IQCM: variants seen among roughly 807,000 people sequenced by gnomAD.
IQCM encodes the protein IQ motif containing M.
IQCM carries 45 observed loss-of-function variants against 57.6 expected under a neutral mutation model. The observed-to-expected ratio is 0.78, with a 90% confidence interval of 0.62 to 1.00. IQCM has a LOEUF of 1.00. Ranked by LOEUF, IQCM falls within the 50% of genes least tolerant of loss-of-function variation. The pLI is 0.00. For missense variants in IQCM, 468 were observed against 511.6 expected (o/e 0.91, Z 0.82); for synonymous variants, 148 against 158.9 (o/e 0.93, Z 0.51).
At chr4:149,368,713 G>A (rs190439512) in intron 13 of IQCM, among the ~76,000 whole-genome samples, 4 of 143,394 alleles carry the variant, frequency 2.8e-5, no homozygotes, top group African/African-American at 1.0e-4. Flanking sequence ...AAAAGTTAAA[G>A]ACATTAGAGT....
chr4:149,716,732 C>T (rs996203588), intron 5 of IQCM, among the ~76,000 whole-genome samples: 1 of 152,204 alleles, frequency 6.6e-6, no homozygotes, highest in African/African-American at 2.4e-5. Flanking sequence ...CAAAGACTTC[C>T]CCAGTTTGGT....
At chr4:149,604,802 T>A (rs1010942152) in intron 8 of IQCM, among the ~76,000 whole-genome samples, 2 of 152,172 alleles carry the variant, frequency 1.3e-5, no homozygotes, top group African/African-American at 4.8e-5. Flanking sequence ...CTTTCATTAC[T>A]TTTTAAGAAA....
intron 10 of IQCM, among the ~76,000 whole-genome samples, chr4:149,554,844 C>T (rs560143183): frequency 6.6e-6 from 1 of 151,772 alleles, no homozygotes; most frequent in East Asian, 2.0e-4. Flanking sequence ...GGACTACAGG[C>T]GCCCCCCACC....
intron 8 of IQCM, among the ~76,000 whole-genome samples, chr4:149,595,197 TACCA>T (rs1430694415): frequency 1.3e-5 from 2 of 152,192 alleles, no homozygotes; most frequent in Admixed American, 1.3e-4. Context: ...TTGATCCCTT[TACCA>T]TTATGTAATG....
At chr4:149,511,171 G>A (rs967353192) in intron 12 of IQCM, among the ~76,000 whole-genome samples, 6 of 151,842 alleles carry the variant, frequency 4.0e-5, no homozygotes, top group African/African-American at 1.2e-4. Context: ...CTCTAATTTC[G>A]CTGAGTTAAA....
chr4:149,711,928 C>G (rs1764591898), intron 5 of IQCM, among the ~76,000 whole-genome samples: 1 of 152,112 alleles, frequency 6.6e-6, no homozygotes, highest in African/African-American at 2.4e-5. Context: ...TCCATCTTCA[C>G]TAAGTATATT....
At position 149,815,810 on chromosome 4, in the gene IQCM, T is replaced by G. The variant is rs1193897366; in HGVS notation, c.-297A>C. The G allele has an allele frequency of 6.6e-6, 1 of 151,986 alleles. No individual in the cohort carries two copies. The highest frequency in any genetic ancestry group is 1.5e-5 in the Non-Finnish European group (1 of 67,896). 9.4% of individuals were successfully genotyped at this position (151,986 alleles called of 1,614,324 possible). On this transcript the variant is annotated 5_prime_UTR_variant, in exon 1 of 14. Coordinates refer to ENST00000636793, the MANE Select transcript of IQCM (RefSeq NM_001363507.2). ...AGATTCCTAAATCCTGCCAATCTTCTGATTGCTTCTTCTCACATATGCCTG... is the reference window on the plus strand; with the variant it reads ...AGATTCCTAAATCCTGCCAATCTTCGGATTGCTTCTTCTCACATATGCCTG...
intron 7 of IQCM, among the ~76,000 whole-genome samples, chr4:149,655,127 T>C (rs1225584912): frequency 1.3e-5 from 2 of 152,180 alleles, no homozygotes; most frequent in Admixed American, 6.6e-5. Flanking sequence ...TTTTAAATGT[T>C]ATATTTCAAG....
At chr4:149,698,176 A>T (rs957730605) in intron 5 of IQCM, among the ~76,000 whole-genome samples, 2 of 151,986 alleles carry the variant, frequency 1.3e-5, no homozygotes, top group Non-Finnish European at 2.9e-5. Context: ...TCATTTAACT[A>T]ATAAGTTGTT....
At chr4:149,583,842 C>A (rs1561020943) in intron 9 of IQCM, among the ~76,000 whole-genome samples, 1 of 151,224 alleles carries the variant, frequency 6.6e-6, no homozygotes, top group African/African-American at 2.4e-5. Flanking sequence ...TTCCCTTTAG[C>A]TAATAATATA....
chr4:149,769,270 C>A (rs1280776083), intron 2 of IQCM, among the ~76,000 whole-genome samples: 1 of 151,936 alleles, frequency 6.6e-6, no homozygotes, highest in Non-Finnish European at 1.5e-5. Flanking sequence ...TTCTGAGATC[C>A]AGAACCATAT....
At chr4:149,632,583 GA>G (rs572572958) in intron 7 of IQCM, among the ~76,000 whole-genome samples, 3 of 150,180 alleles carry the variant, frequency 2.0e-5, no homozygotes, top group Admixed American at 6.6e-5. Context: ...TTCAAAAGAG[GA>G]AAAAAAAAGA....
intron 7 of IQCM, among the ~76,000 whole-genome samples, chr4:149,656,116 A>C (rs1469292607): frequency 6.6e-6 from 1 of 152,130 alleles, no homozygotes; most frequent in Non-Finnish European, 1.5e-5. Context: ...AAGGCTGGCC[A>C]TGCCTGGGGA....
chr4:149,733,069 T>C (rs1766609715), intron 5 of IQCM, among the ~76,000 whole-genome samples, 175 bp downstream of exon 5: 1 of 152,210 alleles, frequency 6.6e-6, no homozygotes, highest in Non-Finnish European at 1.5e-5. Context: ...TTCATCTCAA[T>C]TTCTGGTGGT....
At chr4:149,356,749 A>AACTTTAAACT in intron 13 of IQCM, among the ~76,000 whole-genome samples, 1 of 152,250 alleles carries the variant, frequency 6.6e-6, no homozygotes, top group Non-Finnish European at 1.5e-5. Context: ...GTTCCATATG[A>AACTTTAAACT]ACTTTAAAGT....
intron 5 of IQCM, among the ~76,000 whole-genome samples, chr4:149,725,984 C>G (rs967784528): frequency 2.0e-5 from 3 of 151,798 alleles, no homozygotes; most frequent in Admixed American, 6.6e-5. Flanking sequence ...TTCCTTTATT[C>G]TACCCTTCAC....
At chr4:149,604,156 C>T (rs1754570833) in intron 8 of IQCM, among the ~76,000 whole-genome samples, 1 of 152,184 alleles carries the variant, frequency 6.6e-6, no homozygotes, top group Non-Finnish European at 1.5e-5. Context: ...CTATCTACCA[C>T]TTGATGAGAA....
intron 13 of IQCM, among the ~76,000 whole-genome samples, chr4:149,359,065 G>A (rs1729287360): frequency 6.6e-6 from 1 of 152,074 alleles, no homozygotes; most frequent in Non-Finnish European, 1.5e-5. Flanking sequence ...GCTGGGTAGA[G>A]AGATCATAAA....
At chr4:149,784,757 T>G (rs1200766288) in intron 2 of IQCM, among the ~76,000 whole-genome samples, 1 of 152,198 alleles carries the variant, frequency 6.6e-6, no homozygotes, top group Non-Finnish European at 1.5e-5. Context: ...GCATTGCGAA[T>G]GTCTGAATGC....
Sources: allele counts gnomAD v4.1 joint callset (sites outside exome capture counted in the v4.1 genomes callset), GRCh38; gene constraint gnomAD v4.1.1; transcripts MANE v1.5; gene names NCBI Gene and HGNC (gene_info 2026-07-23, HGNC 2026-07-21).